The following COL4A1 variants were observed in gnomAD, a reference collection of about 807,000 sequenced individuals.
COL4A1 encodes collagen alpha-1(IV) chain.
In COL4A1, 40 loss-of-function variants were observed where a neutral mutation model predicts 216.6. The observed-to-expected ratio is 0.18, with a 90% CI of 0.14 to 0.24. The LOEUF (loss-of-function observed/expected upper bound fraction) is 0.24, where lower values mean the gene tolerates loss of function less well. Ranked by LOEUF, COL4A1 falls within the 10% of genes least tolerant of loss-of-function variation. The pLI, the probability that COL4A1 is intolerant of heterozygous loss-of-function variation, is 1.00. For synonymous variants in COL4A1, 839 were observed against 810.7 expected (o/e 1.03, Z -0.59); for missense variants, 1,628 against 2,196.8 (o/e 0.74, Z 5.18).
intron 26 of COL4A1, among the ~76,000 whole-genome samples, chr13:110,184,537 CAG>C (rs1184142043): frequency 3.3e-5 from 5 of 152,208 alleles, no homozygotes; most frequent in African/African-American, 1.2e-4. Flanking sequence ...CAACCATCAA[CAG>C]AGTCAGAACT....
chr13:110,200,474 C>A (rs948318273), intron 20 of COL4A1, among the ~76,000 whole-genome samples: 1 of 152,112 alleles, frequency 6.6e-6, no homozygotes, highest in Non-Finnish European at 1.5e-5. Context: ...GTGGTCAGGA[C>A]GCTGAGGAGG....
intron 2 of COL4A1, among the ~76,000 whole-genome samples, chr13:110,240,542 C>T (rs539899136): frequency 6.6e-6 from 1 of 152,270 alleles, no homozygotes; most frequent in Non-Finnish European, 1.5e-5. Context: ...CCCACGCAGG[C>T]TCCAAGCCAG....
At chr13:110,156,862 T>TTG (rs1012683986) in intron 49 of COL4A1, among the ~76,000 whole-genome samples, 1 of 152,134 alleles carries the variant, frequency 6.6e-6, no homozygotes, top group Non-Finnish European at 1.5e-5. Flanking sequence ...TTCCATGGAC[T>TTG]TGTGTGTGTG....
intron 21 of COL4A1, among the ~76,000 whole-genome samples, chr13:110,197,796 G>T (rs1438405288): frequency 6.6e-6 from 1 of 152,186 alleles, no homozygotes; most frequent in African/African-American, 2.4e-5. Context: ...CCCCACAGAG[G>T]ATTCGTGTTT....
At chr13:110,161,493 A>T in intron 48 of COL4A1, 124 bp from the exon 49 acceptor site, 1 of 1,172,760 alleles carries the variant, frequency 8.5e-7, no homozygotes, top group Non-Finnish European at 1.2e-6. Flanking sequence ...TGAAATGGAA[A>T]TGTATAAAGG....
At position 110,176,684 on chromosome 13, in the gene COL4A1, G is replaced by C; in HGVS notation, c.2910C>G (p.Asp970Glu). Residue 970 changes from aspartate to glutamate, a missense_variant, in exon 35 of 52, where the codon GAC becomes GAG. Physicochemically the swap from Asp to Glu is conservative, Grantham distance 45 (BLOSUM62 2). Coordinates refer to ENST00000375820, the MANE Select transcript of COL4A1 (RefSeq NM_001845.6). Reference sequence around the variant, plus strand: ...TTCCAGGCACTCCTGGGGTCCCAGGGTCTCCTCGGGATCCCTTCTCACCAA... The same window carrying C: ...TTCCAGGCACTCCTGGGGTCCCAGGCTCTCCTCGGGATCCCTTCTCACCAA... ...GPIGEKGSRGDPGTPGVPGKD... is the reference protein window; with the variant it reads ...GPIGEKGSRGEPGTPGVPGKD... 1 of 1,614,166 alleles carries C rather than the reference G, an allele frequency of 6.2e-7. No individual in the cohort carries two copies. Among genetic ancestry groups the C allele is most frequent in the Non-Finnish European group, 8.5e-7 (1 of 1,180,030 alleles).
At chr13:110,235,780 CAGG>C (rs1177664291) in intron 2 of COL4A1, among the ~76,000 whole-genome samples, 1 of 151,714 alleles carries the variant, frequency 6.6e-6, no homozygotes, top group East Asian at 1.9e-4. Context: ...CAAGGAATAA[CAGG>C]AGAAGAGCCA....
At chr13:110,194,190 C>T (rs1878772715) in intron 22 of COL4A1, among the ~76,000 whole-genome samples, 1 of 152,192 alleles carries the variant, frequency 6.6e-6, no homozygotes, top group African/African-American at 2.4e-5. Context: ...AGATCGCTTC[C>T]ATTTCAGGTC....
chr13:110,258,224 T>G (rs1882662779), intron 1 of COL4A1, among the ~76,000 whole-genome samples: 1 of 152,222 alleles, frequency 6.6e-6, no homozygotes, highest in Non-Finnish European at 1.5e-5. Context: ...GGAGCCAAAG[T>G]GAACCGGGCA....
chr13:110,183,210 C>G lies in COL4A1; in HGVS notation c.1964G>C (p.Gly655Ala). ...TTGGGGACCTGGGAAGCCTGGGGACCCCGGCAGTCCTTCTGCTCCAGGGGG... is the reference window on the plus strand; with the variant it reads ...TTGGGGACCTGGGAAGCCTGGGGACGCCGGCAGTCCTTCTGCTCCAGGGGG... The part of the protein sequence containing the change: ...PGPPGAEGLP[G>A]SPGFPGPQGD... Residue 655 changes from glycine to alanine, a missense_variant, in exon 27 of 52, where the codon GGG becomes GCG. This residue lies in a region of COL4A1 where 701 missense variants were observed against 892.5 expected (regional missense o/e 0.79). Transcript: ENST00000375820. 6.2e-7 allele frequency: 1 copy of G among 1,613,888 alleles called. No individual in the cohort carries two copies. Among genetic ancestry groups the G allele is most frequent in the Non-Finnish European group, 8.5e-7 (1 of 1,180,018 alleles).
chr13:110,151,716 G>C (rs112958495), intron 51 of COL4A1, among the ~76,000 whole-genome samples: 3,771 of 152,272 alleles, frequency 0.025, 60 homozygotes, highest in East Asian at 0.037. Context: ...GCTGGGGCTC[G>C]GGATAGAGGG....
At chr13:110,288,526 T>C (rs547771207) in intron 1 of COL4A1, among the ~76,000 whole-genome samples, 29 of 152,340 alleles carry the variant, frequency 1.9e-4, no homozygotes, top group African/African-American at 7.0e-4. Context: ...CACTTCACTA[T>C]ATCTATTTTT....
chr13:110,306,952 C>A lies in COL4A1; in HGVS notation c.76G>T (p.Ala26Ser), dbSNP rs1257898045. Residue 26 changes from alanine (A) to serine (S), a missense_variant, in exon 1 of 52, where the codon GCT becomes TCT. Physicochemically the swap from Ala to Ser is moderately conservative, Grantham distance 99. Transcript: ENST00000375820. ...GCTGGCCGGGAACTCACCTTCGCAG[C>A]GGCCCGGCTGTGCTCCTCGTGGAGC... ...LLLHEEHSRA[A>S]AKGGCAGSGC... 1 of 1,472,620 alleles carries A rather than the reference C, an allele frequency of 6.8e-7. No individual in the cohort carries two copies. The highest frequency in any genetic ancestry group is 2.9e-5 in the East Asian group (1 of 34,192). The allele number at this position is 1,472,620 out of a possible 1,614,324, so 91.2% of individuals were successfully genotyped here.
At chr13:110,169,511 C>A (rs572192840) in intron 43 of COL4A1, 118 bp downstream of exon 43, 1 of 1,520,868 alleles carries the variant, frequency 6.6e-7, no homozygotes, top group East Asian at 2.4e-5. Context: ...CACACACACA[C>A]ACACACACAC....
At chr13:110,256,360 G>C (rs1402222521) in intron 1 of COL4A1, among the ~76,000 whole-genome samples, 1 of 152,200 alleles carries the variant, frequency 6.6e-6, no homozygotes. Context: ...GGTTTTGGAC[G>C]AGGATGATAC....
intron 1 of COL4A1, among the ~76,000 whole-genome samples, chr13:110,261,766 G>A (rs769824605): frequency 6.6e-6 from 1 of 152,234 alleles, no homozygotes; most frequent in Non-Finnish European, 1.5e-5. Context: ...GGCTCTGCCA[G>A]ACATTGTCTC....
At chr13:110,273,430 A>G (rs1883316672) in intron 1 of COL4A1, among the ~76,000 whole-genome samples, 2 of 152,168 alleles carry the variant, frequency 1.3e-5, no homozygotes, top group Admixed American at 1.3e-4. Context: ...AAATCACCTC[A>G]TTCCACTTGT....
intron 2 of COL4A1, among the ~76,000 whole-genome samples, chr13:110,225,604 CA>C (rs1429679420): frequency 6.6e-6 from 1 of 152,038 alleles, no homozygotes; most frequent in African/African-American, 2.4e-5. Context: ...AATAAATAAA[CA>C]AAAATAAAAT....
At chr13:110,205,075 T>G (rs1796788138) in intron 17 of COL4A1, among the ~76,000 whole-genome samples, 1 of 152,244 alleles carries the variant, frequency 6.6e-6, no homozygotes, top group African/African-American at 2.4e-5. Context: ...TACCTCGTGA[T>G]ATCTTTCTGT....
Sources: allele counts gnomAD v4.1 joint callset (sites outside exome capture counted in the v4.1 genomes callset), GRCh38; gene constraint gnomAD v4.1.1; regional missense constraint gnomAD v4.1.1; transcripts MANE v1.5; gene names NCBI Gene and HGNC (gene_info 2026-07-23, HGNC 2026-07-21).